SEC11C: variants seen among roughly 807,000 people sequenced by gnomAD.
SEC11C encodes signal peptidase complex catalytic subunit SEC11C.
SEC11C carries 10 observed loss-of-function variants against 21.9 expected under a neutral mutation model. The ratio of observed to expected loss-of-function variants is 0.46; its 90% confidence interval spans 0.28 to 0.77. The LOEUF (loss-of-function observed/expected upper bound fraction) is 0.77. Ranked by LOEUF, SEC11C falls within the 30% of genes least tolerant of loss-of-function variation. SEC11C has a pLI of 0.12. For missense variants in SEC11C, 145 were observed against 244.5 expected (o/e 0.59, Z 2.71); for synonymous variants, 83 against 85.6 (o/e 0.97, Z 0.17).
At chr18:59,142,397 CT>C (rs1288720134) in intron 1 of SEC11C, among the ~76,000 whole-genome samples, 1 of 146,966 alleles carries the variant, frequency 6.8e-6, no homozygotes, top group Non-Finnish European at 1.5e-5. Flanking sequence ...AGCCAGATGA[CT>C]TGAAAACTTG....
chr18:59,142,122 A>G lies in SEC11C; in HGVS notation c.87+2087A>G, dbSNP rs905115995. Among the ~76,000 whole-genome samples the G allele has an allele frequency of 3.3e-5, 5 of 152,262 alleles. No individual in the cohort carries two copies. The East Asian group carries it at 9.6e-4, about 29-fold the overall frequency. On this transcript the variant is annotated intron_variant, in intron 1 of 5. Coordinates refer to ENST00000587834, the MANE Select transcript of SEC11C (RefSeq NM_033280.4). ...AATCAAAATTACTTTTCTGGATTCCAGGATTTTATGCCTAGAATCTGATTC... is the reference window on the plus strand; with the variant it reads ...AATCAAAATTACTTTTCTGGATTCCGGGATTTTATGCCTAGAATCTGATTC...
rs2069448274 is a variant in SEC11C at position 59,158,755 on chromosome 18, A to G, written c.*70A>G. ...AAAAAGAGAAAAACTAATATATTTG[A>G]GATGTTCCATTTTCTGTATAAAAGG... On this transcript the variant is annotated 3_prime_UTR_variant, in exon 6 of 6. Transcript: ENST00000587834. 3.1e-6 allele frequency: 4 copies of G among 1,289,868 alleles called. No homozygotes were observed. Among genetic ancestry groups the G allele is most frequent in the Non-Finnish European group, 4.5e-6 (4 of 887,800 alleles). 79.9% of individuals were successfully genotyped at this position (1,289,868 alleles called of 1,614,324 possible).
intron 1 of SEC11C, among the ~76,000 whole-genome samples, chr18:59,146,670 A>T (rs895347632): frequency 6.6e-6 from 1 of 152,148 alleles, no homozygotes; most frequent in African/African-American, 2.4e-5. Flanking sequence ...CTGAATATAG[A>T]TGGTGAAGAA....
chr18:59,158,815 AAAAGATTCACC>A lies in SEC11C; in HGVS notation c.*132_*142del. The A allele has an allele frequency of 1.3e-6, 1 of 751,852 alleles. No individual in the cohort carries two copies. The highest frequency in any genetic ancestry group is 2.2e-6 in the Non-Finnish European group (1 of 459,108). 46.6% of individuals were successfully genotyped at this position (751,852 alleles called of 1,614,324 possible). A position where few individuals can be genotyped will look rare whatever the true frequency, so the allele number is the denominator to read the frequency against. On this transcript the variant is annotated 3_prime_UTR_variant, in exon 6 of 6. Transcript: ENST00000587834. Reference sequence around the variant, plus strand: ...GGAGATGTTTTTGTCTTGTCCAAATAAAAGATTCACCAGTAAAGATGGTTTTCTTTTGTGGA... The same window carrying A: ...GGAGATGTTTTTGTCTTGTCCAAATAAGTAAAGATGGTTTTCTTTTGTGGA...
chr18:59,142,740 C>G (rs2069226482), intron 1 of SEC11C, among the ~76,000 whole-genome samples: 1 of 152,150 alleles, frequency 6.6e-6, no homozygotes, highest in Non-Finnish European at 1.5e-5. Context: ...CCGTTATGCT[C>G]TTTGAGCTTA....
chr18:59,149,654 A>G (rs764329267), intron 2 of SEC11C, 32 bp downstream of exon 2: 81 of 1,411,116 alleles, frequency 5.7e-5, no homozygotes, highest in Non-Finnish European at 7.5e-5. Context: ...CCAGCCTCCA[A>G]CCTCCATCAC....
chr18:59,143,127 C>G (rs1298937711), intron 1 of SEC11C, among the ~76,000 whole-genome samples: 5 of 151,986 alleles, frequency 3.3e-5, no homozygotes, highest in Non-Finnish European at 7.4e-5. Context: ...CCGAGGCGGG[C>G]AGATCATTTG....
intron 5 of SEC11C, among the ~76,000 whole-genome samples, chr18:59,158,184 T>A (rs1479576207): frequency 2.0e-5 from 3 of 152,114 alleles, no homozygotes; most frequent in African/African-American, 7.2e-5. Flanking sequence ...GCCTCCCTAG[T>A]GGCTGGGATT....
intron 3 of SEC11C, among the ~76,000 whole-genome samples, chr18:59,154,630 C>T (rs1457371405): frequency 6.6e-6 from 1 of 152,156 alleles, no homozygotes; most frequent in East Asian, 1.9e-4. Flanking sequence ...AATGCAGTAA[C>T]AAATTCTGCA....
At chr18:59,142,217 T>C (rs2069219566) in intron 1 of SEC11C, among the ~76,000 whole-genome samples, 1 of 152,212 alleles carries the variant, frequency 6.6e-6, no homozygotes, top group Admixed American at 6.5e-5. Context: ...TATATTTTTG[T>C]GTATTTGGAC....
chr18:59,143,996 C>T (rs1311120366), intron 1 of SEC11C, among the ~76,000 whole-genome samples: 3 of 152,058 alleles, frequency 2.0e-5, no homozygotes, highest in South Asian at 2.1e-4. Flanking sequence ...GGATTACAGG[C>T]ACATGCACCA....
At chr18:59,149,776 G>A (rs2069325297) in intron 2 of SEC11C, among the ~76,000 whole-genome samples, 154 bp downstream of exon 2, 1 of 152,126 alleles carries the variant, frequency 6.6e-6, no homozygotes, top group Non-Finnish European at 1.5e-5. Context: ...TATCTATTTT[G>A]AAAATGTTTC....
At chr18:59,152,861 C>A in intron 3 of SEC11C, 176 bp downstream of exon 3, 1 of 497,792 alleles carries the variant, frequency 2.0e-6, no homozygotes, top group Non-Finnish European at 3.5e-6. Context: ...GTAGTTAAAC[C>A]CATAGTAACT....
At chr18:59,142,002 A>G (rs1452365396) in intron 1 of SEC11C, among the ~76,000 whole-genome samples, 1 of 152,194 alleles carries the variant, frequency 6.6e-6, no homozygotes, top group African/African-American at 2.4e-5. Flanking sequence ...CTGAGCATAC[A>G]AAGTTGGTAG....
chr18:59,148,349 G>T (rs2069303407), intron 1 of SEC11C, among the ~76,000 whole-genome samples: 1 of 152,208 alleles, frequency 6.6e-6, no homozygotes, highest in African/African-American at 2.4e-5. Flanking sequence ...GGATGTTTGG[G>T]CTGACAGGTC....
chr18:59,154,631 A>G (rs1291810041), intron 3 of SEC11C, among the ~76,000 whole-genome samples: 3 of 152,252 alleles, frequency 2.0e-5, no homozygotes, highest in Non-Finnish European at 4.4e-5. Context: ...ATGCAGTAAC[A>G]AATTCTGCAT....
intron 3 of SEC11C, chr18:59,153,146 A>C (rs1430303176): frequency 6.6e-6 from 1 of 152,530 alleles, no homozygotes; most frequent in African/African-American, 2.4e-5. Context: ...TTCATTTTCC[A>C]ACTCATCTCA....
Position 59,139,974 on chromosome 18 carries a change from C to A in SEC11C, c.26C>A (p.Ala9Asp). MVRAGAVG[A>D]HLPASGLDIF... ...ATGGTGCGTGCGGGCGCCGTGGGGG[C>A]TCATCTCCCCGCGTCCGGCTTGGAT... The change falls in exon 1 of 6, where the codon GCT becomes GAT. Residue 9 changes from alanine to aspartate, a missense_variant. Transcript: ENST00000587834. The A allele has an allele frequency of 6.3e-7, 1 of 1,592,208 alleles. No individual in the cohort carries two copies. The highest frequency in any genetic ancestry group is 2.0e-4 in the Middle Eastern group (1 of 5,104).
chr18:59,147,241 CA>C (rs1162269747), intron 1 of SEC11C: 1 of 152,080 alleles, frequency 6.6e-6, no homozygotes, highest in Non-Finnish European at 1.5e-5. Context: ...ACTCAATGCT[CA>C]AAAAGAGTTC....
Sources: allele counts gnomAD v4.1 joint callset (sites outside exome capture counted in the v4.1 genomes callset), GRCh38; gene constraint gnomAD v4.1.1; transcripts MANE v1.5; gene names NCBI Gene and HGNC (gene_info 2026-07-23, HGNC 2026-07-21).